Variants in SIM1 observed in about 807,000 individuals in gnomAD.
The protein encoded by SIM1 is SIM bHLH transcription factor 1.
Under a neutral mutation model 78.2 loss-of-function variants are expected in SIM1, and 18 were observed. The observed-to-expected ratio is 0.23, with a 90% CI of 0.16 to 0.34. The LOEUF is 0.34. SIM1 is among the 10% of genes least tolerant of loss of function. The pLI is 1.00. For synonymous variants in SIM1, 417 were observed against 385.2 expected, an observed-to-expected ratio of 1.08 and a Z score of -0.97; for missense variants, 939 against 975.1, an observed-to-expected ratio of 0.96 and a Z score of 0.49.
chr6:100,424,319 C>T (rs767195334), intron 9 of SIM1, among the ~76,000 whole-genome samples: 9 of 152,212 alleles, frequency 5.9e-5, no homozygotes, highest in Admixed American at 3.3e-4. Context: ...CAAAATTTAA[C>T]GGAAGACCAT....
intron 2 of SIM1, among the ~76,000 whole-genome samples, chr6:100,457,081 A>G (rs1165833091): frequency 6.6e-6 from 1 of 152,218 alleles, no homozygotes; most frequent in Non-Finnish European, 1.5e-5. Context: ...GCAGGCAGCA[A>G]AAATAAATTG....
At chr6:100,440,467 G>A (rs779642543) in intron 9 of SIM1, among the ~76,000 whole-genome samples, 1 of 152,126 alleles carries the variant, frequency 6.6e-6, no homozygotes, top group African/African-American at 2.4e-5. Flanking sequence ...CCCAAACATT[G>A]TCAATGCCCC....
chr6:100,428,400 T>A (rs957650218), intron 9 of SIM1, among the ~76,000 whole-genome samples: 3 of 152,074 alleles, frequency 2.0e-5, no homozygotes, highest in African/African-American at 7.2e-5. Flanking sequence ...GAAAAAGATA[T>A]GAACAATGCA....
In SIM1 at chr6:100,386,226, T is replaced by C. The variant is rs114041760; in HGVS notation, c.*4135A>G. On this transcript the variant is annotated 3_prime_UTR_variant, in exon 12 of 12. Transcript: ENST00000369208. ...ACCAAATCTGGGCATTCAAACATTT[T>C]ATATCAGAAAGACTGTGTTTGATTG... 5.9e-3 allele frequency: 897 copies of C among 152,130 alleles called. 8 individuals are homozygous for C. Among genetic ancestry groups the C allele is most frequent in the African/African-American group, 0.021 (866 of 41,544 alleles). 9.4% of individuals were successfully genotyped at this position (152,130 alleles called of 1,614,324 possible). A position where few individuals can be genotyped will look rare whatever the true frequency, so the allele number is the denominator to read the frequency against.
rs79273067 is a variant in SIM1, at chr6:100,404,491, G to T, written c.1168-10602C>A. ...GAACCATGAGAAAAGAAAAATCACA[G>T]ATGCAGACTGCATTGTACTAAGAAC... On this transcript the variant is annotated intron_variant, in intron 10 of 11. Coordinates refer to ENST00000369208, the MANE Select transcript of SIM1 (RefSeq NM_005068.3). Among the ~76,000 whole-genome samples the T allele has an allele frequency of 8.0e-3, 1,220 of 152,164 alleles. 15 individuals are homozygous for T. The highest frequency in any genetic ancestry group is 0.028 in the African/African-American group (1,164 of 41,518).
chr6:100,461,129 C>T lies in SIM1; in HGVS notation c.175+2165G>A, dbSNP rs555613691. ...AAAGCACAGTCACTGTTAAAGTAGC[C>T]AGAGGGGACCGTTCTGGCCACCAAG... On this transcript the variant is annotated intron_variant, in intron 2 of 11. Coordinates refer to ENST00000369208, the MANE Select transcript of SIM1 (RefSeq NM_005068.3). 3.2e-3 allele frequency among the ~76,000 whole-genome samples: 486 copies of T among 152,196 alleles called. 2 individuals carry two copies. The highest frequency in any genetic ancestry group is 0.011 in the African/African-American group (462 of 41,520).
chr6:100,424,947 T>G (rs1771687775), intron 9 of SIM1, among the ~76,000 whole-genome samples: 1 of 152,228 alleles, frequency 6.6e-6, no homozygotes, highest in African/African-American at 2.4e-5. Context: ...TGTATTTCTT[T>G]CCTTTCTATC....
chr6:100,463,034 GA>G lies in SIM1; in HGVS notation c.175+259del, dbSNP rs1395946951. 1.0e-5 allele frequency: 4 copies of G among 391,074 alleles called. No individual in the cohort carries two copies. In the Admixed American group the frequency reaches 1.6e-4, roughly 16 times the overall value. The allele number at this position is 391,074 out of a possible 1,614,324, so 24.2% of individuals were successfully genotyped here. A position where few individuals can be genotyped will look rare whatever the true frequency, so the allele number is the denominator to read the frequency against. The stretch of plus-strand genomic sequence containing the variant: ...CTAGTATCTGAAGTGTTGACAAAAG[GA>G]CTGTTGGGCTGCTTCCCAACCAAAC... On this transcript the variant is annotated intron_variant, in intron 2 of 11. Transcript: ENST00000369208.
At position 100,386,003 on chromosome 6, in the gene SIM1, T is replaced by G. The variant is rs1015640608; in HGVS notation, c.*4358A>C. 2 of 152,038 alleles carry G rather than the reference T, an allele frequency of 1.3e-5. No individual in the cohort carries two copies. The highest frequency in any genetic ancestry group is 4.8e-5 in the African/African-American group (2 of 41,436). 9.4% of individuals were successfully genotyped at this position (152,038 alleles called of 1,614,324 possible). A position where few individuals can be genotyped will look rare whatever the true frequency, so the allele number is the denominator to read the frequency against. The stretch of plus-strand genomic sequence containing the variant: ...TTAAAATTTAGATGATAACGAATGT[T>G]TTATCCACAATTAGTTCCACAGTAA... On this transcript the variant is annotated 3_prime_UTR_variant, in exon 12 of 12. Coordinates refer to ENST00000369208, the MANE Select transcript of SIM1 (RefSeq NM_005068.3).
At chr6:100,437,046 A>AT (rs1483064097) in intron 9 of SIM1, among the ~76,000 whole-genome samples, 3 of 152,046 alleles carry the variant, frequency 2.0e-5, no homozygotes, top group East Asian at 1.9e-4. Context: ...CATTTTACAG[A>AT]TTTTTTAAAA....
At position 100,389,491 on chromosome 6, in the gene SIM1, T is replaced by C. The variant is rs923699226; in HGVS notation, c.*870A>G. The C allele has an allele frequency of 1.0e-5, 4 of 397,202 alleles. No homozygotes were observed. Among genetic ancestry groups the C allele is most frequent in the African/African-American group, 4.1e-5 (2 of 48,638 alleles). The allele number at this position is 397,202 out of a possible 1,614,324, so 24.6% of individuals were successfully genotyped here. Reference sequence around the variant, plus strand: ...TGGTTTTACAAGCAAACCCCAAATATGTTGTTTACTTATGCTGAGCCCTTA... The same window carrying C: ...TGGTTTTACAAGCAAACCCCAAATACGTTGTTTACTTATGCTGAGCCCTTA... On this transcript the variant is annotated 3_prime_UTR_variant, in exon 12 of 12. Transcript: ENST00000369208.
At chr6:100,426,147 G>C (rs1377859218) in intron 9 of SIM1, among the ~76,000 whole-genome samples, 1 of 152,148 alleles carries the variant, frequency 6.6e-6, no homozygotes, top group South Asian at 2.1e-4. Flanking sequence ...ATGATTTGTA[G>C]AGAGCTCCAC....
chr6:100,418,359 AAAATAAAT>A (rs6149720), intron 10 of SIM1, among the ~76,000 whole-genome samples: 50 of 145,486 alleles, frequency 3.4e-4, no homozygotes, highest in African/African-American at 9.9e-4. Flanking sequence ...CCTGTCTCCA[AAAATAAAT>A]AAATAAATAA....
intron 9 of SIM1, among the ~76,000 whole-genome samples, chr6:100,424,438 CTGTTT>C (rs985088449): frequency 1.2e-4 from 18 of 151,286 alleles, no homozygotes; most frequent in Middle Eastern, 3.2e-3. Context: ...TTATTTTGTT[CTGTTT>C]TGTTTTGTTT....
chr6:100,419,723 C>T (rs901670769), intron 10 of SIM1, among the ~76,000 whole-genome samples: 2 of 152,104 alleles, frequency 1.3e-5, no homozygotes, highest in Non-Finnish European at 2.9e-5. Flanking sequence ...CTCACTGCAA[C>T]CTCTGTCGCC....
intron 7 of SIM1, 54 bp from the exon 8 acceptor site, chr6:100,448,306 T>A (rs1772414946): frequency 4.1e-6 from 6 of 1,463,932 alleles, no homozygotes; most frequent in Non-Finnish European, 5.6e-6. Flanking sequence ...AGGGATGCCC[T>A]CCCCACACAC....
At chr6:100,425,900 T>TA (rs778078029) in intron 9 of SIM1, among the ~76,000 whole-genome samples, 8 of 152,190 alleles carry the variant, frequency 5.3e-5, no homozygotes, top group Non-Finnish European at 1.2e-4. Flanking sequence ...ATCAGTGTGG[T>TA]AAAAAATTTG....
chr6:100,432,429 G>C (rs948151223), intron 9 of SIM1, among the ~76,000 whole-genome samples: 9 of 152,042 alleles, frequency 5.9e-5, no homozygotes, highest in African/African-American at 2.2e-4. Context: ...TTATCTGAGT[G>C]GTTGTTGTTG....
At chr6:100,446,692 C>T (rs1338751124) in intron 9 of SIM1, among the ~76,000 whole-genome samples, 1 of 152,228 alleles carries the variant, frequency 6.6e-6, no homozygotes, top group Non-Finnish European at 1.5e-5. Context: ...AATTACGCCC[C>T]GCGCGGGGCC....
Sources: allele counts gnomAD v4.1 joint callset (sites outside exome capture counted in the v4.1 genomes callset), GRCh38; gene constraint gnomAD v4.1.1; transcripts MANE v1.5; gene names NCBI Gene and HGNC (gene_info 2026-07-23, HGNC 2026-07-21).